GRID2: variants seen among roughly 807,000 people sequenced by gnomAD.
GRID2 encodes the protein glutamate ionotropic receptor delta type subunit 2.
Under a neutral mutation model 114.8 loss-of-function variants are expected in GRID2, and 33 were observed. The observed-to-expected ratio is 0.29, with a 90% CI of 0.22 to 0.38. GRID2 has a LOEUF of 0.38. GRID2 is among the 10% of genes least tolerant of loss of function. GRID2 has a pLI of 1.00. For synonymous variants in GRID2, 505 were observed against 449.9 expected (o/e 1.12, Z -1.55); for missense variants, 1,184 against 1,257.7 (o/e 0.94, Z 0.89).
rs772032906 is a variant in GRID2, at chr4:92,988,264, G to A, written c.245-96731G>A. Reference sequence around the variant, plus strand: ...CAACTGGGGAAGCATCAACTCTTAAGCTCAAACAGGTGGTAGGCAGGGTTT... The same window carrying A: ...CAACTGGGGAAGCATCAACTCTTAAACTCAAACAGGTGGTAGGCAGGGTTT... On this transcript the variant is annotated intron_variant, in intron 2 of 15. Transcript: ENST00000282020. Among the ~76,000 whole-genome samples, 6 of 152,118 alleles carry A rather than the reference G, an allele frequency of 3.9e-5. 1 individual carries two copies. Among genetic ancestry groups the A allele is most frequent in the Non-Finnish European group, 8.8e-5 (6 of 68,022 alleles).
At chr4:93,537,950 T>C (rs2149523261) in intron 13 of GRID2, among the ~76,000 whole-genome samples, 1 of 151,944 alleles carries the variant, frequency 6.6e-6, no homozygotes, top group African/African-American at 2.4e-5. Context: ...CAATAATTTC[T>C]AGGTAAGGCT....
chr4:93,051,547 GA>G (rs1320833947), intron 2 of GRID2, among the ~76,000 whole-genome samples: 1 of 151,902 alleles, frequency 6.6e-6, no homozygotes, highest in African/African-American at 2.4e-5. Context: ...TTACAGCTGA[GA>G]AAAAACATAA....
At chr4:93,544,033 A>G (rs1036265536) in intron 13 of GRID2, among the ~76,000 whole-genome samples, 1 of 152,200 alleles carries the variant, frequency 6.6e-6, no homozygotes. Context: ...CACTCTCTAT[A>G]TTACATCAAA....
At chr4:92,920,790 T>C (rs530265785) in intron 2 of GRID2, among the ~76,000 whole-genome samples, 26 of 152,324 alleles carry the variant, frequency 1.7e-4, no homozygotes, top group Non-Finnish European at 2.9e-4. Flanking sequence ...ATTTTTTCCT[T>C]CATTTTAATT....
chr4:93,807,906 C>A (rs891443849), exon 2 of GRID2: 2 of 152,108 alleles, frequency 1.3e-5, no homozygotes, highest in African/African-American at 4.8e-5. Context: ...GATGATTAAA[C>A]AGCATGAAGA....
intron 2 of GRID2, among the ~76,000 whole-genome samples, chr4:92,777,542 G>C (rs991598703): frequency 6.6e-6 from 1 of 151,882 alleles, no homozygotes; most frequent in East Asian, 1.9e-4. Context: ...CTTCTTAAAC[G>C]AGATGATCTG....
chr4:92,610,813 A>T (rs1227872202), intron 2 of GRID2, among the ~76,000 whole-genome samples: 1 of 151,696 alleles, frequency 6.6e-6, no homozygotes, highest in African/African-American at 2.4e-5. Context: ...GAATTAGATA[A>T]TACAAAATCT....
At chr4:92,924,875 ATTAATGTGGAAGCTG>A (rs1360943118) in intron 2 of GRID2, among the ~76,000 whole-genome samples, 2 of 152,132 alleles carry the variant, frequency 1.3e-5, no homozygotes. Context: ...GCTTCATCAT[ATTAATGTGGAAGCTG>A]TTAATGTGAG....
At chr4:92,951,659 A>G (rs996352996) in intron 2 of GRID2, among the ~76,000 whole-genome samples, 1 of 152,140 alleles carries the variant, frequency 6.6e-6, no homozygotes, top group Non-Finnish European at 1.5e-5. Context: ...TAATACCACC[A>G]TAAGTTCAAA....
At chr4:93,712,329 T>A (rs1282450194) in intron 14 of GRID2, among the ~76,000 whole-genome samples, 1 of 152,168 alleles carries the variant, frequency 6.6e-6, no homozygotes, top group African/African-American at 2.4e-5. Flanking sequence ...GATGCAATTA[T>A]AAGATTTTCT....
chr4:92,856,519 C>A (rs1319194964), intron 2 of GRID2, among the ~76,000 whole-genome samples: 1 of 152,130 alleles, frequency 6.6e-6, no homozygotes, highest in Non-Finnish European at 1.5e-5. Context: ...CATTTTTCAA[C>A]ACTTTTTTTC....
chr4:92,597,379 C>T (rs1353472366), intron 2 of GRID2, among the ~76,000 whole-genome samples: 1 of 152,118 alleles, frequency 6.6e-6, no homozygotes, highest in African/African-American at 2.4e-5. Context: ...TAACAGGTCT[C>T]TACTACAGTG....
At chr4:93,502,926 C>T (rs1319293828) in intron 12 of GRID2, among the ~76,000 whole-genome samples, 2 of 152,014 alleles carry the variant, frequency 1.3e-5, no homozygotes, top group Non-Finnish European at 2.9e-5. Flanking sequence ...GAGAGGGATG[C>T]TACAGAGTTC....
chr4:93,559,396 A>C (rs2149559439), intron 13 of GRID2, among the ~76,000 whole-genome samples: 1 of 152,232 alleles, frequency 6.6e-6, no homozygotes, highest in African/African-American at 2.4e-5. Context: ...ACAGGAAAAA[A>C]CCCCATCAAA....
At chr4:92,647,399 G>C (rs17842180) in intron 2 of GRID2, among the ~76,000 whole-genome samples, 52,766 of 149,412 alleles carry the variant, frequency 0.35, 10,705 homozygotes, top group South Asian at 0.42. Flanking sequence ...ACAGTGTGAA[G>C]TTCAGTCTAA....
chr4:92,594,441 A>G (rs1289785785), intron 2 of GRID2, among the ~76,000 whole-genome samples: 2 of 151,938 alleles, frequency 1.3e-5, no homozygotes, highest in Non-Finnish European at 2.9e-5. Context: ...TTTCATCTCT[A>G]TGCTTCTATG....
chr4:92,591,057 G>A (rs1728687506), intron 2 of GRID2, among the ~76,000 whole-genome samples: 1 of 152,228 alleles, frequency 6.6e-6, no homozygotes, highest in African/African-American at 2.4e-5. Context: ...GAATGTTTGT[G>A]TCCCCTCCTA....
chr4:93,138,320 A>G (rs1047015022), intron 4 of GRID2, among the ~76,000 whole-genome samples: 1 of 151,734 alleles, frequency 6.6e-6, no homozygotes, highest in Non-Finnish European at 1.5e-5. Context: ...TTGTTTTTGT[A>G]CCATATTTAT....
At chr4:93,082,578 C>G (rs1490994465) in intron 2 of GRID2, among the ~76,000 whole-genome samples, 1 of 152,118 alleles carries the variant, frequency 6.6e-6, no homozygotes, top group Non-Finnish European at 1.5e-5. Flanking sequence ...TGCCAATTTA[C>G]CAACAAGTCA....
Sources: allele counts gnomAD v4.1 joint callset (sites outside exome capture counted in the v4.1 genomes callset), GRCh38; gene constraint gnomAD v4.1.1; transcripts MANE v1.5; gene names NCBI Gene and HGNC (gene_info 2026-07-23, HGNC 2026-07-21).